KIRREL3: variants seen among roughly 807,000 people sequenced by gnomAD.
KIRREL3 encodes kin of IRRE-like protein 3.
Under a neutral mutation model 89.7 loss-of-function variants are expected in KIRREL3, and 36 were observed. The ratio of observed to expected loss-of-function variants is 0.40; its 90% CI spans 0.31 to 0.53. The LOEUF is 0.53. Ranked by LOEUF, KIRREL3 falls within the 20% of genes least tolerant of loss-of-function variation. The pLI, the probability that KIRREL3 is intolerant of heterozygous loss-of-function variation, is 0.49. For missense variants in KIRREL3, 864 were observed against 1,056.6 expected (o/e 0.82, Z 2.53); for synonymous variants, 445 against 441.4 (o/e 1.01, Z -0.10).
At position 126,826,700 on chromosome 11, in the gene KIRREL3, C is replaced by T. The variant is rs201126849; in HGVS notation, c.55+173755G>A. 2.0e-4 allele frequency among the ~76,000 whole-genome samples: 30 copies of T among 152,250 alleles called. No homozygotes were observed. The East Asian group carries it at 3.5e-3, about 18-fold the overall frequency. On this transcript the variant is annotated intron_variant, in intron 1 of 16. Coordinates refer to ENST00000525144, the MANE Select transcript of KIRREL3 (RefSeq NM_032531.4). Reference sequence around the variant, plus strand: ...CTTCAAAGTTCTGTGTTCTGGTCTGCAGCAAGGTAGAAGCCTATGGGGTTT... The same window carrying T: ...CTTCAAAGTTCTGTGTTCTGGTCTGTAGCAAGGTAGAAGCCTATGGGGTTT...
Position 126,562,709 on chromosome 11 carries a change from G to C in KIRREL3, c.133+126C>G. On this transcript the variant is annotated intron_variant, in intron 2 of 16. Transcript: ENST00000525144. The surrounding 1 kb of genome is among the most constrained non-coding windows in gnomAD (Gnocchi z 4.7). ...CAAATGGCTTCATGGAAACCAAACTGGTCTTCCCACTGTCCCCTTCTGAGA... is the reference window on the plus strand; with the variant it reads ...CAAATGGCTTCATGGAAACCAAACTCGTCTTCCCACTGTCCCCTTCTGAGA... The C allele has an allele frequency of 1.5e-6, 1 of 674,042 alleles. No individual in the cohort carries two copies. The highest frequency in any genetic ancestry group is 2.5e-6 in the Non-Finnish European group (1 of 396,554). 41.8% of individuals were successfully genotyped at this position (674,042 alleles called of 1,614,324 possible).
At position 126,565,253 on chromosome 11, in the gene KIRREL3, A is replaced by G. The variant is rs1209248791; in HGVS notation, c.56-2341T>C. Among the ~76,000 whole-genome samples, 1 of 152,212 alleles carries G rather than the reference A, an allele frequency of 6.6e-6. No homozygotes were observed. ...TGACTCTGGATTGTCTTAGTTGGAT[A>G]GAGAACTCAACCTCTCCTATGCCAC... On this transcript the variant is annotated intron_variant, in intron 1 of 16. Transcript: ENST00000525144. This position sits in a 1 kb window ranked among gnomAD's most constrained non-coding sequence, Gnocchi z 5.4.
chr11:127,003,106 C>T (rs1464187922), upstream of KIRREL3: 4 of 150,912 alleles, frequency 2.7e-5, no homozygotes, highest in African/African-American at 9.9e-5. Flanking sequence ...CCTCCGGTCT[C>T]CCGCAGAAAG....
At chr11:126,874,412 T>C (rs993277931) in intron 1 of KIRREL3, among the ~76,000 whole-genome samples, 1 of 152,184 alleles carries the variant, frequency 6.6e-6, no homozygotes, top group Non-Finnish European at 1.5e-5. Context: ...GGGTAAAAAT[T>C]AGAAGCTTGA....
intron 1 of KIRREL3, among the ~76,000 whole-genome samples, chr11:126,753,740 C>T (rs952316): frequency 0.17 from 25,219 of 152,106 alleles, 2,185 homozygotes; most frequent in South Asian, 0.23. Context: ...CCCAGTTCTC[C>T]GTATGATGCT....
Position 126,750,285 on chromosome 11 carries a change from C to T in KIRREL3, c.56-187373G>A, listed in dbSNP as rs981954615. Among the ~76,000 whole-genome samples, 1 of 152,084 alleles carries T rather than the reference C, an allele frequency of 6.6e-6. No individual in the cohort carries two copies. The highest frequency in any genetic ancestry group is 1.5e-5 in the Non-Finnish European group (1 of 68,012). ...ATGGTACTTCCTTCTCCGTAGCCAC[C>T]CCATTGAACACATTTCTGTTCCTTG... On this transcript the variant is annotated intron_variant, in intron 1 of 16. Coordinates refer to ENST00000525144, the MANE Select transcript of KIRREL3 (RefSeq NM_032531.4). This position sits in a 1 kb window ranked among gnomAD's most constrained non-coding sequence, Gnocchi z 4.2.
At position 126,996,997 on chromosome 11, in the gene KIRREL3, C is replaced by T. The variant is rs1022848714; in HGVS notation, c.55+3458G>A. ...TGGAGTAGAAGGCGCCAAGTTCTTGCCACTGTGGCTCCCCTGTCTATCTCC... is the reference window on the plus strand; with the variant it reads ...TGGAGTAGAAGGCGCCAAGTTCTTGTCACTGTGGCTCCCCTGTCTATCTCC... On this transcript the variant is annotated intron_variant, in intron 1 of 16. Transcript: ENST00000525144. The surrounding 1 kb of genome is among the most constrained non-coding windows in gnomAD (Gnocchi z 4.7). Among the ~76,000 whole-genome samples the T allele has an allele frequency of 1.3e-5, 2 of 152,036 alleles. No individual in the cohort carries two copies. The highest frequency in any genetic ancestry group is 2.4e-5 in the African/African-American group (1 of 41,392).
At chr11:126,889,287 CT>C (rs1945816740) in intron 1 of KIRREL3, among the ~76,000 whole-genome samples, 3 of 151,726 alleles carry the variant, frequency 2.0e-5, no homozygotes, top group Admixed American at 2.0e-4. Flanking sequence ...ACTAGTTTGC[CT>C]TTTTAAAAAA....
At position 126,428,491 on chromosome 11, in the gene KIRREL3, G is replaced by GGA. The variant is rs1302403702; in HGVS notation, c.1806+686_1806+687dup. On this transcript the variant is annotated intron_variant, in intron 15 of 16. Transcript: ENST00000525144. This position sits in a 1 kb window ranked among gnomAD's most constrained non-coding sequence, Gnocchi z 6.4. ...GTTTTGGTGGGGTGCGGGGGATGAG[G>GGA]GAGAGGGACATGTATTGAATATCTA... Among the ~76,000 whole-genome samples, 1 of 152,102 alleles carries GGA rather than the reference G, an allele frequency of 6.6e-6. No individual in the cohort carries two copies. Among genetic ancestry groups the GGA allele is most frequent in the Non-Finnish European group, 1.5e-5 (1 of 68,030 alleles).
intron 1 of KIRREL3, among the ~76,000 whole-genome samples, chr11:126,618,349 G>A (rs1331169984): frequency 1.3e-5 from 2 of 152,150 alleles, no homozygotes; most frequent in African/African-American, 4.8e-5. Flanking sequence ...CGCAGAAACC[G>A]CCATGTTTCT....
Position 126,473,403 on chromosome 11 carries a change from A to G in KIRREL3, c.497T>C (p.Leu166Pro). ...PVISLRAGDP[L>P]NLTCHADNAK... ...ATTGTCTGCGTGGCAGGTGAGGTTG[A>G]GAGGGTCCCCCGCACGCAGGCTGAT... is the stretch of plus-strand genomic sequence containing the variant. The change falls in exon 5 of 17, where the codon CTC becomes CCC. Residue 166 changes from leucine to proline, a missense_variant. Physicochemically the swap from Leu to Pro is moderately conservative, Grantham distance 98. Transcript: ENST00000525144. The G allele has an allele frequency of 6.3e-7, 1 of 1,589,714 alleles. No individual in the cohort carries two copies. Among genetic ancestry groups the G allele is most frequent in the Non-Finnish European group, 8.6e-7 (1 of 1,167,702 alleles).
intron 6 of KIRREL3, among the ~76,000 whole-genome samples, chr11:126,457,183 TTATG>T (rs972239037): frequency 3.4e-4 from 24 of 70,726 alleles, no homozygotes; most frequent in African/African-American, 1.1e-3. Flanking sequence ...GGAAGAGAGA[TTATG>T]TGTGTGTGTG....
At chr11:126,597,263 A>G (rs1173976952) in intron 1 of KIRREL3, among the ~76,000 whole-genome samples, 1 of 152,232 alleles carries the variant, frequency 6.6e-6, no homozygotes, top group Non-Finnish European at 1.5e-5. Context: ...GTCACTCTGC[A>G]GCTCCGCAAT....
chr11:126,803,912 T>A (rs77772313), intron 1 of KIRREL3, among the ~76,000 whole-genome samples: 1 of 152,182 alleles, frequency 6.6e-6, no homozygotes, highest in African/African-American at 2.4e-5. Context: ...AACATCAAAT[T>A]GGAAGCGGGC....
intron 1 of KIRREL3, among the ~76,000 whole-genome samples, chr11:126,927,072 T>A (rs1237936310): frequency 6.6e-6 from 1 of 152,186 alleles, no homozygotes; most frequent in Non-Finnish European, 1.5e-5. Context: ...GCAGAATCAA[T>A]TAAAATAAAG....
At chr11:126,545,031 G>T (rs546624799) in intron 2 of KIRREL3, among the ~76,000 whole-genome samples, 1 of 152,268 alleles carries the variant, frequency 6.6e-6, no homozygotes, top group East Asian at 1.9e-4. Flanking sequence ...TAATTATTTG[G>T]ATCAAATGCA....
rs901498870 is a variant in KIRREL3, at chr11:126,601,940, G to A, written c.56-39028C>T. 3.3e-5 allele frequency among the ~76,000 whole-genome samples: 5 copies of A among 152,194 alleles called. No individual in the cohort carries two copies. The highest frequency in any genetic ancestry group is 7.3e-5 in the Non-Finnish European group (5 of 68,036). ...CCTGTGTGTGTTTGAGATGAAACAA[G>A]GTCACCTGAGGCCGCCTCTTTGATT... On this transcript the variant is annotated intron_variant, in intron 1 of 16. Transcript: ENST00000525144. This position sits in a 1 kb window ranked among gnomAD's most constrained non-coding sequence, Gnocchi z 5.8.
At chr11:126,549,402 A>G (rs1432169644) in intron 2 of KIRREL3, 1 of 152,190 alleles carries the variant, frequency 6.6e-6, no homozygotes, top group Non-Finnish European at 1.5e-5. Flanking sequence ...GCACTGTGAC[A>G]TGAGCACTCT....
chr11:126,835,045 A>C (rs1404351956), intron 1 of KIRREL3, among the ~76,000 whole-genome samples: 13 of 152,230 alleles, frequency 8.5e-5, no homozygotes, highest in Admixed American at 8.5e-4. Flanking sequence ...ATTTTGTTTG[A>C]AATTTTCTGT....
Sources: allele counts gnomAD v4.1 joint callset (sites outside exome capture counted in the v4.1 genomes callset), GRCh38; gene constraint gnomAD v4.1.1; non-coding constraint Gnocchi (gnomAD v3.1); transcripts MANE v1.5; gene names NCBI Gene and HGNC (gene_info 2026-07-23, HGNC 2026-07-21).